MTTP: variants seen among roughly 807,000 people sequenced by gnomAD.
MTTP encodes microsomal triglyceride transfer protein, also known as microsomal triglyceride transfer protein large subunit.
Under a neutral mutation model 90.6 loss-of-function variants are expected in MTTP, and 49 were observed. The ratio of observed to expected loss-of-function variants is 0.54; its 90% CI spans 0.43 to 0.69. MTTP has a LOEUF of 0.69. MTTP is among the 30% of genes least tolerant of loss of function. The pLI is 0.00. For missense variants in MTTP, 945 were observed against 1,067.5 expected (o/e 0.89, Z 1.60); for synonymous variants, 347 against 384.2 (o/e 0.90, Z 1.13).
chr4:99,615,571 T>G (rs1290824039), intron 15 of MTTP, among the ~76,000 whole-genome samples: 1 of 152,204 alleles, frequency 6.6e-6, no homozygotes, highest in Admixed American at 6.5e-5. Flanking sequence ...TGCAGAGCAC[T>G]CCAGTAATGC....
At chr4:99,590,870 A>G (rs1725400341) in intron 4 of MTTP, among the ~76,000 whole-genome samples, 1 of 152,036 alleles carries the variant, frequency 6.6e-6, no homozygotes, top group Admixed American at 6.6e-5. Flanking sequence ...CACACCACAC[A>G]CACACAGAAT....
chr4:99,611,543 T>G (rs1725957808), intron 14 of MTTP, 90 bp downstream of exon 14: 2 of 1,509,008 alleles, frequency 1.3e-6, no homozygotes, highest in African/African-American at 2.7e-5. Flanking sequence ...GGTAATGCTA[T>G]AGAATGTATA....
At chr4:99,612,037 A>G (rs1459568946) in intron 14 of MTTP, among the ~76,000 whole-genome samples, 2 of 152,196 alleles carry the variant, frequency 1.3e-5, no homozygotes, top group Non-Finnish European at 2.9e-5. Flanking sequence ...TGGTCTATAA[A>G]GACTTCCTAA....
chr4:99,589,710 G>A lies in MTTP; in HGVS notation c.461G>A (p.Ser154Asn). The A allele has an allele frequency of 6.2e-7, 1 of 1,606,734 alleles. No homozygotes were observed. Among genetic ancestry groups the A allele is most frequent in the Non-Finnish European group, 8.5e-7 (1 of 1,173,836 alleles). The change falls in exon 4 of 18, where the codon AGC (serine) becomes AAC (asparagine). Residue 154 changes from serine (S) to asparagine (N), a missense_variant. Coordinates refer to ENST00000265517, the MANE Select transcript of MTTP (RefSeq NM_001386140.1). ...GAAAATATCAAGAGAGGTCTGGCTA[G>A]CCTATTTCAGACACAGTTAAGCTCT... ...AIENIKRGLA[S>N]LFQTQLSSGT...
chr4:99,613,584 T>C (rs1726017435), intron 15 of MTTP, among the ~76,000 whole-genome samples: 2 of 152,170 alleles, frequency 1.3e-5, no homozygotes, highest in African/African-American at 4.8e-5. Context: ...GCCAAATTAG[T>C]AGAGGCACAA....
intron 7 of MTTP, among the ~76,000 whole-genome samples, chr4:99,596,797 C>T (rs1471167658): frequency 2.0e-5 from 3 of 152,016 alleles, no homozygotes; most frequent in Non-Finnish European, 4.4e-5. Context: ...GACCTATATA[C>T]CCAGAAACCA....
intron 15 of MTTP, 123 bp from the exon 16 acceptor site, chr4:99,618,851 T>C: frequency 7.6e-7 from 1 of 1,319,162 alleles, no homozygotes; most frequent in Non-Finnish European, 1.1e-6. Context: ...AGAGAAAGAC[T>C]CCAACATCAA....
intron 1 of MTTP, among the ~76,000 whole-genome samples, chr4:99,579,506 T>C (rs1429568345): frequency 6.6e-6 from 1 of 152,158 alleles, no homozygotes; most frequent in Non-Finnish European, 1.5e-5. Flanking sequence ...CAGATATCCA[T>C]GTAGCTCACC....
intron 15 of MTTP, among the ~76,000 whole-genome samples, chr4:99,615,949 A>G (rs1726088010): frequency 6.6e-6 from 1 of 152,174 alleles, no homozygotes; most frequent in Non-Finnish European, 1.5e-5. Flanking sequence ...ATCTAAATAA[A>G]TATGCACTCT....
chr4:99,616,711 G>A (rs968520996), intron 15 of MTTP, among the ~76,000 whole-genome samples: 4 of 151,920 alleles, frequency 2.6e-5, no homozygotes, highest in Admixed American at 2.6e-4. Flanking sequence ...TTTATAAGGG[G>A]GTCCAAGAAA....
intron 6 of MTTP, among the ~76,000 whole-genome samples, chr4:99,594,107 C>T (rs1484943477): frequency 6.6e-6 from 1 of 152,188 alleles, no homozygotes; most frequent in African/African-American, 2.4e-5. Flanking sequence ...TCATGTCAGA[C>T]TTCTTATGTA....
intron 1 of MTTP, among the ~76,000 whole-genome samples, chr4:99,565,953 T>A (rs1724681447): frequency 6.6e-6 from 1 of 152,164 alleles, no homozygotes; most frequent in Admixed American, 6.5e-5. Context: ...ACTGTAGGAA[T>A]GCAGTAACAT....
intron 3 of MTTP, chr4:99,584,006 T>C (rs1156655499): frequency 6.4e-6 from 1 of 156,840 alleles, no homozygotes; most frequent in East Asian, 1.9e-4. Context: ...TAAAGTAGAG[T>C]TTTTTTAAAG....
intron 15 of MTTP, among the ~76,000 whole-genome samples, chr4:99,613,990 T>G (rs1726028655): frequency 6.6e-6 from 1 of 152,188 alleles, no homozygotes; most frequent in African/African-American, 2.4e-5. Context: ...AAATGATATA[T>G]TTGCTAAATA....
chr4:99,576,730 A>G (rs1724973851), intron 1 of MTTP, among the ~76,000 whole-genome samples: 1 of 151,282 alleles, frequency 6.6e-6, no homozygotes, highest in African/African-American at 2.4e-5. Context: ...TTAAATATAC[A>G]CATACACTAG....
chr4:99,607,910 C>A (rs1210750391), intron 11 of MTTP, among the ~76,000 whole-genome samples: 1 of 151,958 alleles, frequency 6.6e-6, no homozygotes, highest in Admixed American at 6.6e-5. Flanking sequence ...TGTGTGGGAA[C>A]TCTCTGTACT....
Position 99,601,838 on chromosome 4 carries a change from T to C in MTTP, c.1344+124T>C, listed in dbSNP as rs1468937395. The C allele has an allele frequency of 7.8e-6, 6 of 770,464 alleles. No individual in the cohort carries two copies. The Admixed American group carries it at 1.2e-4, about 15-fold the overall frequency. 47.7% of individuals were successfully genotyped at this position (770,464 alleles called of 1,614,324 possible). ...CTCTATTCTACTTACCTTATTTGCATAGCAATTTTTGCCATCTAACATATA... is the reference window on the plus strand; with the variant it reads ...CTCTATTCTACTTACCTTATTTGCACAGCAATTTTTGCCATCTAACATATA... On this transcript the variant is annotated intron_variant, in intron 10 of 17. Transcript: ENST00000265517.
rs1477309821 is a variant in MTTP at position 99,611,234 on chromosome 4, A to G, written c.1861A>G (p.Ile621Val). Residue 621 changes from isoleucine (I) to valine (V), a missense_variant, in exon 13 of 18, where the codon ATA (isoleucine) becomes GTA (valine). Coordinates refer to ENST00000265517, the MANE Select transcript of MTTP (RefSeq NM_001386140.1). ...ATCTTCTTCTGCCTACACTGGCTAC[A>G]TAGAACGTATGTACACCAAAAAGAG... ...SGSSSAYTGY[I>V]ERSPRSASTY... The G allele has an allele frequency of 1.6e-5, 26 of 1,613,796 alleles. No homozygotes were observed. In the Admixed American group the frequency reaches 4.0e-4, roughly 25 times the overall value.
intron 11 of MTTP, among the ~76,000 whole-genome samples, chr4:99,607,930 A>G (rs1725859028): frequency 6.6e-6 from 1 of 151,964 alleles, no homozygotes; most frequent in Non-Finnish European, 1.5e-5. Flanking sequence ...TTTCCACTCA[A>G]TTTTGCTGTG....
Sources: allele counts gnomAD v4.1 joint callset (sites outside exome capture counted in the v4.1 genomes callset), GRCh38; gene constraint gnomAD v4.1.1; transcripts MANE v1.5; gene names NCBI Gene and HGNC (gene_info 2026-07-23, HGNC 2026-07-21).